The following CHFR variants were observed in gnomAD, a reference collection of about 807,000 sequenced individuals.
CHFR encodes checkpoint with forkhead and ring finger domains.
CHFR carries 57 observed loss-of-function variants against 87.6 expected under a neutral mutation model. The observed-to-expected ratio is 0.65, with a 90% CI of 0.53 to 0.81. CHFR has a LOEUF of 0.81. CHFR is among the 30% of genes least tolerant of loss of function. The pLI, the probability that CHFR is intolerant of heterozygous loss-of-function variation, is 0.00. For missense variants in CHFR, 797 were observed against 865.8 expected (o/e 0.92, Z 1.00); for synonymous variants, 381 against 359.2 (o/e 1.06, Z -0.69).
intron 14 of CHFR, chr12:132,847,553 G>A (rs1950856125): frequency 1.9e-6 from 2 of 1,078,198 alleles, no homozygotes; most frequent in Non-Finnish European, 1.1e-6. Flanking sequence ...AAAGCAGAGT[G>A]TGGGGCTGAG....
rs976971389 is a variant in CHFR, at chr12:132,833,149, T to C, written c.*8405A>G. On this transcript the variant is annotated 3_prime_UTR_variant, in exon 18 of 18. Transcript: ENST00000450056. ...AGCTGATGGACCCACTGAGGTGCCT[T>C]ACGCGAGCCCAGCACTATTCTGCGT... 2 of 152,250 alleles carry C rather than the reference T, an allele frequency of 1.3e-5. No individual in the cohort carries two copies. The highest frequency in any genetic ancestry group is 2.9e-5 in the Non-Finnish European group (2 of 68,060). 9.4% of individuals were successfully genotyped at this position (152,250 alleles called of 1,614,324 possible).
intron 10 of CHFR, chr12:132,854,433 T>TA (rs1951017835): frequency 6.6e-6 from 1 of 152,164 alleles, no homozygotes; most frequent in Non-Finnish European, 1.5e-5. Context: ...TGTGCACAAA[T>TA]ACGGATGGAA....
chr12:132,858,289 G>A (rs1863514340), intron 8 of CHFR, among the ~76,000 whole-genome samples: 1 of 152,136 alleles, frequency 6.6e-6, no homozygotes, highest in Non-Finnish European at 1.5e-5. Flanking sequence ...GAACCTGGGA[G>A]GTGGAGGTTG....
chr12:132,853,381 C>G, intron 11 of CHFR, 50 bp downstream of exon 11: 1 of 1,445,162 alleles, frequency 6.9e-7, no homozygotes, highest in South Asian at 1.5e-5. Flanking sequence ...CCGGGCACAG[C>G]CACAAAGTGA....
At chr12:132,842,077 C>A (rs1950713980) in intron 17 of CHFR, among the ~76,000 whole-genome samples, 1 of 143,282 alleles carries the variant, frequency 7.0e-6, no homozygotes, top group Non-Finnish European at 1.5e-5. Flanking sequence ...CCTCTATACT[C>A]CAGCCTGGCA....
At chr12:132,841,810 A>G (rs4758948) in intron 17 of CHFR, among the ~76,000 whole-genome samples, 123,158 of 152,142 alleles carry the variant, frequency 0.81, 50,010 homozygotes, top group East Asian at 0.9. Context: ...ATTTTGAAAC[A>G]GAAGTGCAAA....
At chr12:132,857,613 C>A in intron 8 of CHFR, 54 bp from the exon 9 acceptor site, 1 of 1,575,714 alleles carries the variant, frequency 6.3e-7, no homozygotes, top group South Asian at 1.1e-5. Flanking sequence ...CAACCGCGAC[C>A]CTCGACCAAG....
At position 132,833,543 on chromosome 12, in the gene CHFR, G is replaced by C. The variant is rs1950629068; in HGVS notation, c.*8011C>G. 6.6e-6 allele frequency: 1 copy of C among 152,310 alleles called. No individual in the cohort carries two copies. Among genetic ancestry groups the C allele is most frequent in the East Asian group, 1.9e-4 (1 of 5,202 alleles). 9.4% of individuals were successfully genotyped at this position (152,310 alleles called of 1,614,324 possible). A position where few individuals can be genotyped will look rare whatever the true frequency, so the allele number is the denominator to read the frequency against. ...AACAAGTAAGAAACGGAGTTGCTGG[G>C]CGTGGCGGCTTACGCCTGGAATCCC... On this transcript the variant is annotated 3_prime_UTR_variant, in exon 18 of 18. Coordinates refer to ENST00000450056, the MANE Select transcript of CHFR (RefSeq NM_001161346.2).
At chr12:132,852,732 G>A (rs961939037) in intron 11 of CHFR, among the ~76,000 whole-genome samples, 2 of 152,230 alleles carry the variant, frequency 1.3e-5, no homozygotes, top group Non-Finnish European at 1.5e-5. Flanking sequence ...TGCTTTGTCC[G>A]TTCCGTCCAC....
chr12:132,887,486 C>G (rs1951929036), intron 1 of CHFR, 61 bp downstream of exon 1: 5 of 391,518 alleles, frequency 1.3e-5, no homozygotes, highest in Non-Finnish European at 1.7e-5. Flanking sequence ...CGCCCCCTCC[C>G]ACGGCCGCAA....
chr12:132,848,489 G>T, intron 13 of CHFR, 152 bp downstream of exon 13: 1 of 702,232 alleles, frequency 1.4e-6, no homozygotes, highest in Non-Finnish European at 2.5e-6. Flanking sequence ...ACACACCTCT[G>T]CAGTCCAGCC....
intron 15 of CHFR, among the ~76,000 whole-genome samples, chr12:132,845,467 A>AT (rs60162679): frequency 0.15 from 22,676 of 150,776 alleles, 2,348 homozygotes; most frequent in Admixed American, 0.21. Context: ...CAAAAAAAAA[A>AT]ATAAATAAAT....
rs2136896481 is a variant in CHFR at position 132,835,692 on chromosome 12, C to CT, written c.*5861dup. ...CAGGCCCCAGAACTGTGAGAAAATA[C>CT]TTTCTGTTGTTTAAGCCGCCTGTTC... On this transcript the variant is annotated 3_prime_UTR_variant, in exon 18 of 18. Coordinates refer to ENST00000450056, the MANE Select transcript of CHFR (RefSeq NM_001161346.2). The CT allele has an allele frequency of 4.4e-6, 1 of 229,240 alleles. No individual in the cohort carries two copies. Among genetic ancestry groups the CT allele is most frequent in the Non-Finnish European group, 8.8e-6 (1 of 113,292 alleles). The allele number at this position is 229,240 out of a possible 1,614,324, so 14.2% of individuals were successfully genotyped here.
Position 132,840,540 on chromosome 12 carries a change from CTTTT to C in CHFR, c.*1010_*1013del, listed in dbSNP as rs957212862. On this transcript the variant is annotated 3_prime_UTR_variant, in exon 18 of 18. Transcript: ENST00000450056. Reference sequence around the variant, plus strand: ...GGTGATTTCAACAAAAGATAAAAAACTTTTTTTTCCAAAAATCAAAATTTCAAGT... The same window carrying C: ...GGTGATTTCAACAAAAGATAAAAAACTTTTCCAAAAATCAAAATTTCAAGT... 6.6e-6 allele frequency: 1 copy of C among 152,584 alleles called. No homozygotes were observed. The highest frequency in any genetic ancestry group is 1.5e-5 in the Non-Finnish European group (1 of 68,010). 9.5% of individuals were successfully genotyped at this position (152,584 alleles called of 1,614,324 possible). A position where few individuals can be genotyped will look rare whatever the true frequency, so the allele number is the denominator to read the frequency against.
At chr12:132,882,110 C>T (rs1951783583) in intron 2 of CHFR, among the ~76,000 whole-genome samples, 1 of 152,180 alleles carries the variant, frequency 6.6e-6, no homozygotes, top group Admixed American at 6.5e-5. Flanking sequence ...TTTATATTAG[C>T]TTTATTTCTT....
At chr12:132,870,127 T>C (rs933043439) in intron 5 of CHFR, among the ~76,000 whole-genome samples, 3 of 149,204 alleles carry the variant, frequency 2.0e-5, no homozygotes, top group Non-Finnish European at 4.5e-5. Context: ...CTGAGGCGGG[T>C]AGATCACGAG....
intron 3 of CHFR, among the ~76,000 whole-genome samples, 194 bp from the exon 4 acceptor site, chr12:132,872,588 CCT>C (rs1232353958): frequency 6.6e-6 from 1 of 152,096 alleles, no homozygotes; most frequent in African/African-American, 2.4e-5. Flanking sequence ...CCCACTTCTC[CCT>C]GACTGACAGC....
chr12:132,846,945 T>TG (rs1234325409), intron 15 of CHFR, 98 bp downstream of exon 15: 10 of 809,640 alleles, frequency 1.2e-5, no homozygotes, highest in Admixed American at 9.9e-5. Context: ...TCTTCCAGGG[T>TG]GGGTGAAGGT....
At chr12:132,853,638 C>T (rs752473859) in intron 10 of CHFR, 65 bp from the exon 11 acceptor site, 4 of 1,464,206 alleles carry the variant, frequency 2.7e-6, no homozygotes, top group Admixed American at 5.8e-5. Flanking sequence ...GCCGGTGCAA[C>T]GCGGGTCCGC....
Sources: allele counts gnomAD v4.1 joint callset (sites outside exome capture counted in the v4.1 genomes callset), GRCh38; gene constraint gnomAD v4.1.1; transcripts MANE v1.5; gene names NCBI Gene and HGNC (gene_info 2026-07-23, HGNC 2026-07-21).